The following EXOC4 variants were observed in gnomAD, a reference collection of about 807,000 sequenced individuals.
EXOC4 encodes SEC8-like 1.
A neutral mutation model predicts 107.2 loss-of-function variants in EXOC4; 71 were observed. That is an observed-to-expected ratio of 0.66 (90% confidence interval 0.55 to 0.81). The LOEUF is 0.81. Among genes scored for constraint, EXOC4 ranks in the 30% least tolerant of loss-of-function variants. The pLI is 0.00. For synonymous variants in EXOC4, 456 were observed against 441.2 expected, an observed-to-expected ratio of 1.03 and a Z score of -0.42; for missense variants, 1,108 against 1,189.6, an observed-to-expected ratio of 0.93 and a Z score of 1.01.
chr7:133,980,459 C>T (rs931921150), intron 14 of EXOC4, among the ~76,000 whole-genome samples: 2 of 152,218 alleles, frequency 1.3e-5, no homozygotes, highest in African/African-American at 4.8e-5. Context: ...AAAATGTAGT[C>T]ACTTCAATAA....
At chr7:133,971,845 A>C (rs1801247129) in intron 14 of EXOC4, among the ~76,000 whole-genome samples, 1 of 152,232 alleles carries the variant, frequency 6.6e-6, no homozygotes, top group African/African-American at 2.4e-5. Context: ...GTGTTTACTG[A>C]GCTGATGGAG....
At chr7:133,365,941 A>G (rs559850849) in intron 6 of EXOC4, among the ~76,000 whole-genome samples, 8 of 152,320 alleles carry the variant, frequency 5.3e-5, no homozygotes, top group African/African-American at 1.9e-4. Context: ...AGGGAAATAA[A>G]CATTCTATGG....
At chr7:133,915,850 T>C (rs1239806898) in intron 12 of EXOC4, among the ~76,000 whole-genome samples, 2 of 152,242 alleles carry the variant, frequency 1.3e-5, no homozygotes, top group Non-Finnish European at 2.9e-5. Flanking sequence ...CCATGGTTAC[T>C]ATGAGAAAAC....
chr7:133,349,143 A>T (rs912196684), intron 5 of EXOC4, among the ~76,000 whole-genome samples: 23 of 140,364 alleles, frequency 1.6e-4, no homozygotes, highest in African/African-American at 5.3e-5. Context: ...TTTTTTTTTT[A>T]TTGTGGTAAC....
chr7:133,961,230 C>T (rs1182722654), intron 14 of EXOC4, among the ~76,000 whole-genome samples: 1 of 151,532 alleles, frequency 6.6e-6, no homozygotes, highest in African/African-American at 2.4e-5. Flanking sequence ...TAAATGGATT[C>T]ACCCCTAGAG....
chr7:133,426,158 T>A (rs1797722415), intron 7 of EXOC4, among the ~76,000 whole-genome samples: 2 of 152,206 alleles, frequency 1.3e-5, no homozygotes, highest in Middle Eastern at 3.2e-3. Flanking sequence ...TTCCCGTAGA[T>A]GTTTTCTGTT....
At chr7:133,649,467 C>CTTTTT (rs61225754) in intron 10 of EXOC4, among the ~76,000 whole-genome samples, 4 of 85,380 alleles carry the variant, frequency 4.7e-5, no homozygotes, top group Admixed American at 3.2e-4. Flanking sequence ...ACTACTTTTT[C>CTTTTT]TTTTTTTTTT....
intron 5 of EXOC4, among the ~76,000 whole-genome samples, chr7:133,323,190 G>A (rs1027808200): frequency 8.5e-5 from 13 of 152,094 alleles, no homozygotes; most frequent in Non-Finnish European, 1.9e-4. Context: ...TTTCCTAATT[G>A]AATACCCTTT....
rs114778049 is a variant in EXOC4, at chr7:133,692,533, G to T, written c.1514+62392G>T. On this transcript the variant is annotated intron_variant, in intron 10 of 17. Transcript: ENST00000253861. Reference sequence around the variant, plus strand: ...TTATTGTTGTGTGAATGGGAAGATGGAACAAATCCCAGATACTTGTTAAAC... The same window carrying T: ...TTATTGTTGTGTGAATGGGAAGATGTAACAAATCCCAGATACTTGTTAAAC... Among the ~76,000 whole-genome samples, 812 of 152,284 alleles carry T rather than the reference G, an allele frequency of 5.3e-3. 6 individuals carry two copies. Among genetic ancestry groups the T allele is most frequent in the African/African-American group, 0.018 (759 of 41,564 alleles).
chr7:133,815,941 A>C (rs1218073176), intron 10 of EXOC4, among the ~76,000 whole-genome samples: 1 of 152,174 alleles, frequency 6.6e-6, no homozygotes, highest in Non-Finnish European at 1.5e-5. Context: ...TCTTTCATTG[A>C]TCCATTTTTA....
chr7:133,521,278 T>C (rs1799972711), intron 9 of EXOC4, among the ~76,000 whole-genome samples: 1 of 152,174 alleles, frequency 6.6e-6, no homozygotes, highest in African/African-American at 2.4e-5. Flanking sequence ...TTAGTTGTAA[T>C]TATAATTTTC....
intron 7 of EXOC4, among the ~76,000 whole-genome samples, chr7:133,467,553 G>A (rs1412262938): frequency 7.0e-6 from 1 of 143,246 alleles, no homozygotes; most frequent in Non-Finnish European, 1.5e-5. Context: ...TTTTGTATTT[G>A]GCTTCAGTTC....
At chr7:133,271,655 G>C in intron 1 of EXOC4, among the ~76,000 whole-genome samples, 1 of 152,164 alleles carries the variant, frequency 6.6e-6, no homozygotes, top group Middle Eastern at 3.2e-3. Flanking sequence ...TGCCTATGTG[G>C]GCAGGCTTCT....
At position 133,267,552 on chromosome 7, in the gene EXOC4, T is replaced by TC. The variant is rs532927207; in HGVS notation, c.87-7428dup. Among the ~76,000 whole-genome samples the TC allele has an allele frequency of 1.6e-3, 239 of 152,294 alleles. 3 individuals are homozygous for TC. The Middle Eastern group carries it at 0.02, about 13-fold the overall frequency. On this transcript the variant is annotated intron_variant, in intron 1 of 17. Transcript: ENST00000253861. ...TCCTTATGTGAAGTAGCCTCCTTCC[T>TC]CCTTGCCTGTCTTGGCTTTTGCGTA...
chr7:134,001,725 A>G (rs777279448), intron 15 of EXOC4, among the ~76,000 whole-genome samples: 20 of 152,156 alleles, frequency 1.3e-4, no homozygotes, highest in Admixed American at 2.0e-4. Flanking sequence ...AAGGATCCCT[A>G]TGGCTTCTAG....
At chr7:134,086,898 C>T in the EXOC4 span, among the ~76,000 whole-genome samples, 3 of 152,172 alleles carry the variant, frequency 2.0e-5, no homozygotes, top group Non-Finnish European at 4.4e-5. Flanking sequence ...AGGGGAACTT[C>T]CTGTCATTGC....
At chr7:133,392,898 G>A (rs1796884830) in intron 7 of EXOC4, among the ~76,000 whole-genome samples, 1 of 152,192 alleles carries the variant, frequency 6.6e-6, no homozygotes, top group Admixed American at 6.5e-5. Flanking sequence ...GGATAAGATT[G>A]TTTTCTTAGC....
the EXOC4 span, among the ~76,000 whole-genome samples, chr7:134,097,329 A>G: frequency 7.2e-5 from 11 of 152,110 alleles, no homozygotes; most frequent in East Asian, 1.2e-3. Flanking sequence ...GGGGCTAAAC[A>G]TTACCCAATT....
intron 10 of EXOC4, among the ~76,000 whole-genome samples, chr7:133,645,267 A>G (rs1802962563): frequency 6.6e-6 from 1 of 150,990 alleles, no homozygotes; most frequent in Non-Finnish European, 1.5e-5. Context: ...AATTTTTTGT[A>G]TTTTTAGTAG....
Sources: gnomAD v4.1 joint callset for allele counts (sites outside exome capture counted in the v4.1 genomes callset) on GRCh38, gnomAD v4.1.1 for gene constraint, MANE v1.5 for transcripts, NCBI Gene and HGNC (gene_info 2026-07-23, HGNC 2026-07-21) for gene names.